ANXA8: variants seen among roughly 807,000 people sequenced by gnomAD.
The protein encoded by ANXA8 is VAC-beta.
Under a neutral mutation model 26.8 loss-of-function variants are expected in ANXA8, and 9 were observed. The observed-to-expected ratio is 0.34, with a 90% CI of 0.20 to 0.59. The LOEUF (loss-of-function observed/expected upper bound fraction) is 0.59. Ranked by LOEUF, ANXA8 falls within the 20% of genes least tolerant of loss-of-function variation. The pLI is 0.84. For missense variants in ANXA8, 83 were observed against 238.5 expected (o/e 0.35, Z 4.29); for synonymous variants, 39 against 94.8 (o/e 0.41, Z 3.42).
At chr10:47,548,378 C>T in the ANXA8 span, among the ~76,000 whole-genome samples, 857 of 148,902 alleles carry the variant, frequency 5.8e-3, no homozygotes, top group Middle Eastern at 0.01. Context: ...CTCGCCTCAC[C>T]GCAACCTCCA....
chr10:47,595,836 A>G, the ANXA8 span, among the ~76,000 whole-genome samples: 2 of 148,334 alleles, frequency 1.3e-5, no homozygotes, highest in Admixed American at 1.3e-4. Flanking sequence ...CTCCACTGAC[A>G]GTGGTAGATA....
the ANXA8 span, among the ~76,000 whole-genome samples, chr10:47,960,340 C>G: frequency 1.4e-5 from 2 of 144,924 alleles, no homozygotes; most frequent in Admixed American, 1.4e-4. Context: ...CTCAAGAATT[C>G]TAGAGTGCAG....
upstream of ANXA8, among the ~76,000 whole-genome samples, chr10:47,488,902 T>A (rs1840095691): frequency 1.4e-5 from 2 of 146,148 alleles, no homozygotes; most frequent in Admixed American, 6.9e-5. Context: ...TAATTTTTTG[T>A]ATTTTTAGTA....
chr10:47,743,355 C>CATATATATATATAT, the ANXA8 span, among the ~76,000 whole-genome samples: 1 of 45,166 alleles, frequency 2.2e-5, no homozygotes, highest in African/African-American at 6.8e-5. Context: ...TATATATATA[C>CATATATATATATAT]ACATATATAT....
chr10:47,711,346 G>A, the ANXA8 span, among the ~76,000 whole-genome samples: 3 of 149,986 alleles, frequency 2.0e-5, no homozygotes, highest in Non-Finnish European at 4.4e-5. Flanking sequence ...TCCTTTAGTT[G>A]TAACAATCAA....
At chr10:47,491,718 C>T in the ANXA8 span, 1 of 1,544,308 alleles carries the variant, frequency 6.5e-7, no homozygotes, top group South Asian at 1.2e-5. Flanking sequence ...TGAGGACTGG[C>T]CCAACATGCT....
the ANXA8 span, among the ~76,000 whole-genome samples, chr10:47,707,771 G>A: frequency 2.6e-5 from 3 of 114,192 alleles, no homozygotes; most frequent in Non-Finnish European, 5.9e-5. Context: ...ACTGTTGGTG[G>A]GAATGTAAAT....
the ANXA8 span, among the ~76,000 whole-genome samples, chr10:47,937,667 C>T: frequency 7.0e-6 from 1 of 142,682 alleles, no homozygotes; most frequent in Non-Finnish European, 1.6e-5. Context: ...CCTCTTTCTG[C>T]CCATGGGCTC....
the ANXA8 span, among the ~76,000 whole-genome samples, chr10:47,506,572 C>T: frequency 7.0e-6 from 1 of 142,454 alleles, no homozygotes; most frequent in Non-Finnish European, 1.5e-5. Context: ...TCAAGTGATC[C>T]ACCCACCTTG....
chr10:47,497,655 C>G, the ANXA8 span, among the ~76,000 whole-genome samples: 1 of 142,348 alleles, frequency 7.0e-6, no homozygotes, highest in Non-Finnish European at 1.5e-5. Context: ...CCTATTTTGA[C>G]AGCCGGGCAT....
chr10:47,593,246 G>A, the ANXA8 span, among the ~76,000 whole-genome samples: 5,637 of 148,476 alleles, frequency 0.038, 209 homozygotes, highest in African/African-American at 0.067. Flanking sequence ...CCTCAGTGTG[G>A]ACCATCCCTA....
chr10:47,597,732 A>G, the ANXA8 span, among the ~76,000 whole-genome samples: 1 of 117,470 alleles, frequency 8.5e-6, no homozygotes, highest in Non-Finnish European at 1.7e-5. Flanking sequence ...CTTTAAGTAG[A>G]ACTACAAAAC....
At chr10:47,497,262 T>G in the ANXA8 span, among the ~76,000 whole-genome samples, 1 of 121,282 alleles carries the variant, frequency 8.2e-6, no homozygotes. Flanking sequence ...GAGGCTGCAG[T>G]GAGCTGAGAT....
the ANXA8 span, among the ~76,000 whole-genome samples, chr10:47,570,331 T>C: frequency 1.0e-4 from 6 of 57,524 alleles, no homozygotes; most frequent in African/African-American, 3.1e-4. Flanking sequence ...GTTAATAGAA[T>C]GTTAATAGTT....
chr10:47,493,513 C>T, the ANXA8 span, among the ~76,000 whole-genome samples: 76 of 148,548 alleles, frequency 5.1e-4, 1 homozygote, highest in Non-Finnish European at 8.0e-4. Context: ...TATGCCTGCT[C>T]CCCTGATAAA....
chr10:47,495,189 G>A, the ANXA8 span, among the ~76,000 whole-genome samples: 8 of 150,768 alleles, frequency 5.3e-5, no homozygotes, highest in African/African-American at 1.7e-4. Flanking sequence ...TGGGTATGGA[G>A]GGGAAACAGA....
At chr10:47,729,800 G>C in the ANXA8 span, among the ~76,000 whole-genome samples, 1 of 139,566 alleles carries the variant, frequency 7.2e-6, no homozygotes, top group Non-Finnish European at 1.6e-5. Context: ...GGTATAGAAA[G>C]AGTAGTTTAC....
the ANXA8 span, among the ~76,000 whole-genome samples, chr10:47,733,188 T>G: frequency 8.8e-6 from 1 of 113,506 alleles, no homozygotes; most frequent in Non-Finnish European, 2.0e-5. Context: ...TTTCTTTCTT[T>G]CTTTCTTTCT....
chr10:47,565,219 C>T, the ANXA8 span: 3 of 611,688 alleles, frequency 4.9e-6, no homozygotes, highest in Non-Finnish European at 5.8e-6. Flanking sequence ...AGGAGCCTCC[C>T]CCCAGCCCTG....
Sources: allele counts gnomAD v4.1 joint callset (sites outside exome capture counted in the v4.1 genomes callset), GRCh38; gene constraint gnomAD v4.1.1; transcripts MANE v1.5; gene names NCBI Gene and HGNC (gene_info 2026-07-23, HGNC 2026-07-21).